The following U2SURP variants were observed in gnomAD, a reference collection of about 807,000 sequenced individuals.
U2SURP encodes the protein U2 snRNP-associated SURP motif-containing protein.
A neutral mutation model predicts 144.9 loss-of-function variants in U2SURP; 9 were observed. The ratio of observed to expected loss-of-function variants is 0.06; its 90% CI spans 0.04 to 0.11. U2SURP has a LOEUF of 0.11. U2SURP is among the 10% of genes least tolerant of loss of function. The probability of loss-of-function intolerance (pLI) is 1.00; values close to 1 mark genes in which losing one functional copy is unlikely to be tolerated. For missense variants in U2SURP, 724 were observed against 1,226.7 expected (o/e 0.59, Z 6.12); for synonymous variants, 408 against 396.8 (o/e 1.03, Z -0.33).
chr3:143,036,878 C>T (rs1933838954), intron 20 of U2SURP: 1 of 337,426 alleles, frequency 3.0e-6, no homozygotes, highest in Non-Finnish European at 5.4e-6. Context: ...TTCCTGGTTC[C>T]CCCACCCCTG....
chr3:143,049,493 C>G (rs1934733555), intron 24 of U2SURP, among the ~76,000 whole-genome samples: 2 of 152,186 alleles, frequency 1.3e-5, no homozygotes, highest in South Asian at 4.2e-4. Context: ...GACAAGAATG[C>G]TTCCTCTTTC....
rs1560194074 is a variant in U2SURP, at chr3:143,035,121, CGTTTTT to C, written c.1941+153_1941+158del. ...AGAAGTTACTGTTTTAAAATTCTGT[CGTTTTT>C]GTTTTTATCAAATCAAAAATTTAAA... On this transcript the variant is annotated intron_variant, in intron 19 of 27. Transcript: ENST00000473835. 9.0e-6 allele frequency: 4 copies of C among 443,680 alleles called. No homozygotes were observed. In the East Asian group the frequency reaches 1.1e-4, roughly 12 times the overall value. The allele number at this position is 443,680 out of a possible 1,614,324, so 27.5% of individuals were successfully genotyped here.
chr3:143,047,633 C>A (rs1934587276), intron 24 of U2SURP, among the ~76,000 whole-genome samples: 1 of 48,138 alleles, frequency 2.1e-5, no homozygotes. Context: ...GGCTGACCCC[C>A]CCTCCCGCCT....
At chr3:143,015,159 T>TA (rs1451404082) in intron 4 of U2SURP, among the ~76,000 whole-genome samples, 1 of 152,112 alleles carries the variant, frequency 6.6e-6, no homozygotes, top group Non-Finnish European at 1.5e-5. Flanking sequence ...GCCAATCTCC[T>TA]ACATGAAAAA....
chr3:143,022,478 C>A lies in U2SURP; in HGVS notation c.853-19C>A. 6.8e-7 allele frequency: 1 copy of A among 1,471,698 alleles called. No individual in the cohort carries two copies. Among genetic ancestry groups the A allele is most frequent in the Non-Finnish European group, 9.0e-7 (1 of 1,105,574 alleles). 91.2% of individuals were successfully genotyped at this position (1,471,698 alleles called of 1,614,324 possible). A position where few individuals can be genotyped will look rare whatever the true frequency, so the allele number is the denominator to read the frequency against. On this transcript the variant is annotated intron_variant, in intron 10 of 27. Transcript: ENST00000473835. ...TTTCCCTTTTTTGCATAATAAAAAT[C>A]TTTTACCCTTTTTAATAGATGAATG... is the stretch of plus-strand genomic sequence containing the variant.
In U2SURP at chr3:143,037,280, T is replaced by C. The variant is rs201356861; in HGVS notation, c.2166T>C (p.Asp722=). The change falls in exon 21 of 28, where the codon GAT becomes GAC. Residue 722 remains aspartate, a synonymous_variant. Transcript: ENST00000473835. ...DGIPIDATPI[D]DLDGVPIKSL... is the part of the protein sequence containing the mutation. ...TTCCTATTGATGCTACTCCCATCGATGATCTTGATGGAGTCCCTATAAAAA... is the reference window on the plus strand; with the variant it reads ...TTCCTATTGATGCTACTCCCATCGACGATCTTGATGGAGTCCCTATAAAAA... 5 of 1,612,686 alleles carry C rather than the reference T, an allele frequency of 3.1e-6. No homozygotes were observed. The East Asian group carries it at 8.9e-5, about 29-fold the overall frequency.
At chr3:143,002,714 C>T (rs1193407131) in intron 1 of U2SURP, among the ~76,000 whole-genome samples, 4 of 152,170 alleles carry the variant, frequency 2.6e-5, no homozygotes, top group African/African-American at 4.8e-5. Flanking sequence ...TTCTGAGAAA[C>T]ATCATAACTC....
At chr3:143,012,826 T>C (rs905008517) in intron 3 of U2SURP, among the ~76,000 whole-genome samples, 5 of 152,156 alleles carry the variant, frequency 3.3e-5, no homozygotes, top group Admixed American at 3.3e-4. Flanking sequence ...TCTTCACTTT[T>C]AGATCTCTAA....
rs192555575 is a variant in U2SURP at position 143,031,928 on chromosome 3, A to C, written c.1611-856A>C. Among the ~76,000 whole-genome samples the C allele has an allele frequency of 1.6e-4, 24 of 152,326 alleles. 1 individual carries two copies. Among genetic ancestry groups the C allele is most frequent in the Admixed American group, 1.5e-3 (23 of 15,300 alleles). On this transcript the variant is annotated intron_variant, in intron 16 of 27. Transcript: ENST00000473835. ...TCTGCAAACTCAGCTCATAGGCTAA[A>C]TATGGCTGCCTCCTGTTTTGGAAAA...
At chr3:143,043,926 A>ATT (rs144876885) in intron 24 of U2SURP, among the ~76,000 whole-genome samples, 1 of 150,312 alleles carries the variant, frequency 6.7e-6, no homozygotes, top group African/African-American at 2.5e-5. Flanking sequence ...ATTTTTTTGT[A>ATT]TTTTTTTTAG....
intron 25 of U2SURP, among the ~76,000 whole-genome samples, chr3:143,052,211 A>ATG (rs1934909858): frequency 2.0e-5 from 3 of 152,188 alleles, no homozygotes; most frequent in Non-Finnish European, 4.4e-5. Context: ...CCTGACCAGC[A>ATG]TGGATAAACC....
chr3:143,024,564 T>G, intron 13 of U2SURP: 1 of 422,188 alleles, frequency 2.4e-6, no homozygotes, highest in Non-Finnish European at 4.6e-6. Flanking sequence ...TGGAATTCTT[T>G]TATTTTCCTT....
At chr3:143,050,125 G>A (rs887229655) in intron 24 of U2SURP, among the ~76,000 whole-genome samples, 2 of 152,080 alleles carry the variant, frequency 1.3e-5, no homozygotes, top group African/African-American at 2.4e-5. Flanking sequence ...CAGGCATGGA[G>A]TACAATGGTG....
chr3:143,016,216 T>G (rs757451906), intron 4 of U2SURP, 41 bp from the exon 5 acceptor site: 2 of 1,574,168 alleles, frequency 1.3e-6, no homozygotes, highest in South Asian at 2.2e-5. Context: ...ACATTAACAA[T>G]TTTTGTATTG....
At chr3:143,008,104 A>G (rs1212831933) in intron 1 of U2SURP, among the ~76,000 whole-genome samples, 1 of 152,250 alleles carries the variant, frequency 6.6e-6, no homozygotes. Context: ...CTATGCTGTT[A>G]CTGCTCTGTT....
intron 1 of U2SURP, among the ~76,000 whole-genome samples, chr3:143,005,462 A>C (rs181843610): frequency 4.2e-4 from 64 of 152,282 alleles, no homozygotes; most frequent in Non-Finnish European, 1.9e-4. Flanking sequence ...TTTAAACTGA[A>C]TCTTTATTAT....
chr3:143,011,704 TTAC>T (rs1285581724), intron 2 of U2SURP, among the ~76,000 whole-genome samples: 2 of 152,086 alleles, frequency 1.3e-5, no homozygotes, highest in Non-Finnish European at 2.9e-5. Flanking sequence ...GCAGTAAAAG[TTAC>T]TACTATTTTA....
At chr3:143,006,012 GA>G (rs895884281) in intron 1 of U2SURP, among the ~76,000 whole-genome samples, 4 of 152,136 alleles carry the variant, frequency 2.6e-5, no homozygotes, top group African/African-American at 4.8e-5. Flanking sequence ...TAACGTTTTT[GA>G]AAGCAAGATA....
intron 1 of U2SURP, 72 bp downstream of exon 1, chr3:143,001,745 C>A: frequency 1.3e-6 from 2 of 1,585,264 alleles, no homozygotes; most frequent in Non-Finnish European, 8.6e-7. Flanking sequence ...CGCTTCTGGC[C>A]TGTGAGAGGC....
Sources: gnomAD v4.1 joint callset for allele counts (sites outside exome capture counted in the v4.1 genomes callset) on GRCh38, gnomAD v4.1.1 for gene constraint, MANE v1.5 for transcripts, NCBI Gene and HGNC (gene_info 2026-07-23, HGNC 2026-07-21) for gene names.